Variants in PYROXD2 observed in about 807,000 individuals in gnomAD.
PYROXD2 encodes the protein pyridine nucleotide-disulfide oxidoreductase domain-containing protein 2.
A neutral mutation model predicts 71.1 loss-of-function variants in PYROXD2; 69 were observed. The observed-to-expected ratio is 0.97, with a 90% CI of 0.80 to 1.19. PYROXD2 has a LOEUF of 1.19. Ranked by LOEUF, PYROXD2 falls within the 50% of genes most tolerant of loss-of-function variation. The pLI is 0.00. For missense variants in PYROXD2, 745 were observed against 748.9 expected (o/e 0.99, Z 0.06); for synonymous variants, 287 against 302.7 (o/e 0.95, Z 0.54).
In PYROXD2 at chr10:98,397,403, A is replaced by G. The variant is rs1843226456; in HGVS notation, c.567T>C (p.His189=). ...AAPVDMAAFQ[H]GSLLQRMRSL... ...ACCTCATCCTTTGCAGCAAGGAGCCATGCTGGAAGGCCGCCATGTCCACGG... is the reference window on the plus strand; with the variant it reads ...ACCTCATCCTTTGCAGCAAGGAGCCGTGCTGGAAGGCCGCCATGTCCACGG... Residue 189 remains histidine, a synonymous_variant, in exon 6 of 16, where the codon CAT becomes CAC. Transcript: ENST00000370575. 1 of 1,613,312 alleles carries G rather than the reference A, an allele frequency of 6.2e-7. No individual in the cohort carries two copies. The highest frequency in any genetic ancestry group is 8.5e-7 in the Non-Finnish European group (1 of 1,179,606).
chr10:98,392,265 G>A (rs1191250805), intron 10 of PYROXD2, among the ~76,000 whole-genome samples, 167 bp downstream of exon 10: 1 of 152,126 alleles, frequency 6.6e-6, no homozygotes, highest in South Asian at 2.1e-4. Context: ...CCACCTGTGA[G>A]GCTTCTTCCC....
chr10:98,397,280 C>T (rs1023562134), intron 6 of PYROXD2, 65 bp downstream of exon 6: 19 of 1,491,092 alleles, frequency 1.3e-5, no homozygotes, highest in East Asian at 2.4e-5. Flanking sequence ...GTCTAGGCAT[C>T]GAGACAATGG....
At chr10:98,397,576 C>A in intron 5 of PYROXD2, 78 bp from the exon 6 acceptor site, 4 of 1,457,142 alleles carry the variant, frequency 2.7e-6, no homozygotes, top group Non-Finnish European at 3.6e-6. Flanking sequence ...CCTGTCACCC[C>A]CCCACAGCTT....
intron 2 of PYROXD2, among the ~76,000 whole-genome samples, chr10:98,410,037 C>T (rs1479920062): frequency 6.6e-6 from 1 of 151,994 alleles, no homozygotes; most frequent in Non-Finnish European, 1.5e-5. Context: ...GAGATCATGC[C>T]ATTGCACTCC....
intron 14 of PYROXD2, among the ~76,000 whole-genome samples, chr10:98,386,159 C>T (rs1842742665): frequency 6.6e-6 from 1 of 151,586 alleles, no homozygotes; most frequent in Non-Finnish European, 1.5e-5. Flanking sequence ...TGCCTGTAGG[C>T]CCAGCTACTC....
intron 2 of PYROXD2, among the ~76,000 whole-genome samples, chr10:98,410,326 A>T (rs1235506542): frequency 1.3e-5 from 2 of 152,188 alleles, no homozygotes; most frequent in African/African-American, 4.8e-5. Context: ...TCCTGGAGGT[A>T]TCTGGACTCA....
rs753656046 is a variant in PYROXD2 at position 98,395,195 on chromosome 10, C to A, written c.785+1G>T. On this transcript the variant is annotated splice_donor_variant, in intron 8 of 15. Transcript: ENST00000370575. LOFTEE classifies it high-confidence loss of function. ...TGTCCCACCTCACCCCCCTCACTCA[C>A]CCACTCCCCGGAGTGTGGGGACTTG... The A allele has an allele frequency of 5.0e-6, 8 of 1,612,984 alleles. No homozygotes were observed. The South Asian group carries it at 7.7e-5, about 15-fold the overall frequency.
chr10:98,410,959 C>A lies in PYROXD2; in HGVS notation c.128-1G>T, dbSNP rs866402823. 1 of 1,563,434 alleles carries A rather than the reference C, an allele frequency of 6.4e-7. No homozygotes were observed. Among genetic ancestry groups the A allele is most frequent in the East Asian group, 2.3e-5 (1 of 42,612 alleles). ...CTCACAGCCACCAGTCCGTTGTGTCCTGCAACAAAACGGGACAGGGAAGGA... is the reference window on the plus strand; with the variant it reads ...CTCACAGCCACCAGTCCGTTGTGTCATGCAACAAAACGGGACAGGGAAGGA... On this transcript the variant is annotated splice_acceptor_variant, in intron 1 of 15. Coordinates refer to ENST00000370575, the MANE Select transcript of PYROXD2 (RefSeq NM_032709.3). LOFTEE classifies it high-confidence loss of function.
chr10:98,408,228 G>A (rs147281454), intron 2 of PYROXD2, among the ~76,000 whole-genome samples: 189 of 152,128 alleles, frequency 1.2e-3, no homozygotes, highest in African/African-American at 4.2e-3. Flanking sequence ...GCCTGCTCCC[G>A]CCCCTCCACT....
At chr10:98,391,132 G>A (rs769320934) in intron 10 of PYROXD2, 50 bp from the exon 11 acceptor site, 23 of 1,163,760 alleles carry the variant, frequency 2.0e-5, no homozygotes, top group Non-Finnish European at 2.9e-5. Flanking sequence ...AGGCCCCAAG[G>A]AAGCTGCCTT....
chr10:98,395,329 G>A, intron 7 of PYROXD2, 36 bp from the exon 8 acceptor site: 2 of 1,613,400 alleles, frequency 1.2e-6, no homozygotes, highest in Non-Finnish European at 1.7e-6. Context: ...GGGCTTAGGA[G>A]CCTGGATGGG....
intron 6 of PYROXD2, 105 bp downstream of exon 6, chr10:98,397,240 T>C: frequency 1.4e-6 from 2 of 1,428,854 alleles, no homozygotes; most frequent in Middle Eastern, 2.6e-4. Flanking sequence ...TGATCCCAGC[T>C]GGCAGGCTGC....
At chr10:98,385,799 C>T (rs1012269571) in intron 14 of PYROXD2, among the ~76,000 whole-genome samples, 9 of 152,184 alleles carry the variant, frequency 5.9e-5, no homozygotes, top group African/African-American at 2.2e-4. Flanking sequence ...TCCACCCTGA[C>T]TCCTATGTGC....
intron 4 of PYROXD2, among the ~76,000 whole-genome samples, chr10:98,405,590 C>T (rs1446862337): frequency 6.6e-6 from 1 of 152,212 alleles, no homozygotes; most frequent in Non-Finnish European, 1.5e-5. Flanking sequence ...GAAAAGAAGG[C>T]ACCACGTGGT....
In PYROXD2 at chr10:98,392,421, C is replaced by T. The variant is rs766590458; in HGVS notation, c.1062+11G>A. ...GACATCTAAGCTCCACCCTCCTGCC[C>T]ACAGCCTCACCTGTGGCGTCAGCTT... On this transcript the variant is annotated intron_variant, in intron 10 of 15. Transcript: ENST00000370575. 3.7e-6 allele frequency: 6 copies of T among 1,612,668 alleles called. No homozygotes were observed. The highest frequency in any genetic ancestry group is 5.1e-6 in the Non-Finnish European group (6 of 1,179,762).
At chr10:98,414,827 G>C (rs936193565) in intron 1 of PYROXD2, 182 bp downstream of exon 1, 1 of 866,130 alleles carries the variant, frequency 1.2e-6, no homozygotes, top group East Asian at 2.8e-5. Flanking sequence ...GGAATCCCAG[G>C]TGCCTGCCTG....
intron 14 of PYROXD2, among the ~76,000 whole-genome samples, chr10:98,386,377 G>A (rs1287708253): frequency 6.7e-6 from 1 of 149,032 alleles, no homozygotes; most frequent in East Asian, 2.0e-4. Context: ...GCAAGCTGAT[G>A]AAACTAATGT....
rs777066416 is a variant in PYROXD2, at chr10:98,387,236, G to T, written c.1519C>A (p.Pro507Thr). The change falls in exon 14 of 16, where the codon CCA becomes ACA. Residue 507 changes from proline to threonine, a missense_variant. Pro to Thr is a conservative substitution (Grantham distance 38). Coordinates refer to ENST00000370575, the MANE Select transcript of PYROXD2 (RefSeq NM_032709.3). ...AGCCCGAAGATTCTCTCCAAATCTG[G>T]TGGTGTGAGGATGTCTCTGCCAACC... ...SVVGRDILTPPDLERIFGLPG... is the reference protein window; with the variant it reads ...SVVGRDILTPTDLERIFGLPG... 1.9e-6 allele frequency: 3 copies of T among 1,614,134 alleles called. No individual in the cohort carries two copies. The Admixed American group carries it at 5.0e-5, about 27-fold the overall frequency.
chr10:98,413,463 C>G (rs1486899410), intron 1 of PYROXD2, among the ~76,000 whole-genome samples: 1 of 152,216 alleles, frequency 6.6e-6, no homozygotes, highest in Non-Finnish European at 1.5e-5. Context: ...CACCTGTAAT[C>G]CCAGCCCTTT....
Sources: allele counts gnomAD v4.1 joint callset (sites outside exome capture counted in the v4.1 genomes callset), GRCh38; gene constraint gnomAD v4.1.1; transcripts MANE v1.5; gene names NCBI Gene and HGNC (gene_info 2026-07-23, HGNC 2026-07-21).